Variants in BEST1 observed in about 807,000 individuals in gnomAD.
BEST1 encodes bestrophin 1.
In BEST1, 58 loss-of-function variants were observed where a neutral mutation model predicts 63.3. That is an observed-to-expected ratio of 0.92 (90% CI 0.74 to 1.14). BEST1 has a LOEUF of 1.14. BEST1 is among the 50% of genes most tolerant of loss of function. BEST1 has a pLI of 0.00. For missense variants in BEST1, 671 were observed against 740.1 expected, an observed-to-expected ratio of 0.91 and a Z score of 1.08; for synonymous variants, 283 against 291.6, an observed-to-expected ratio of 0.97 and a Z score of 0.30.
Position 61,962,828 on chromosome 11 carries a change from A to G in BEST1, c.1674A>G (p.Gln558=). The part of the protein sequence containing the change: ...PENHLKEPLE[Q]SPTNIHTTLK... The stretch of plus-strand genomic sequence containing the variant: ...ATCACCTCAAAGAACCTTTGGAACA[A>G]TCACCAACCAACATACACACTACAC... Residue 558 remains glutamine, a synonymous_variant, in exon 10 of 11, where the codon CAA becomes CAG. Coordinates refer to ENST00000378043, the MANE Select transcript of BEST1 (RefSeq NM_004183.4). 6.2e-7 allele frequency: 1 copy of G among 1,614,150 alleles called. No homozygotes were observed. The highest frequency in any genetic ancestry group is 8.5e-7 in the Non-Finnish European group (1 of 1,180,010).
At position 61,962,889 on chromosome 11, in the gene BEST1, A is replaced by G. The variant is rs1207565192; in HGVS notation, c.1735A>G (p.Asn579Asp). The G allele has an allele frequency of 1.9e-6, 3 of 1,614,114 alleles. No individual in the cohort carries two copies. The South Asian group carries it at 3.3e-5, about 18-fold the overall frequency. Reference protein sequence around the residue: ...DHMDPYWALENRDEAHS With the variant: ...DHMDPYWALEDRDEAHS ...CATGGATCCTTATTGGGCCTTGGAA[A>G]ACAGGTCTGTCCTCCACCTGAACCA... is the stretch of plus-strand genomic sequence containing the variant. The change falls in exon 10 of 11, where the codon AAC (asparagine) becomes GAC (aspartate). Residue 579 changes from asparagine (N) to aspartate (D), a missense_variant. By Grantham distance (23) the Asn-to-Asp change is conservative. Transcript: ENST00000378043.
rs1262929406 is a variant in BEST1, at chr11:61,953,421, T to A, written c.152+1463T>A. On this transcript the variant is annotated intron_variant, in intron 2 of 10. Transcript: ENST00000378043. ...ATCCTGATCCTGTCTCTATAAAAAA[T>A]TAAAAAATTGGCTAGGCCCTTTGGC... is the stretch of plus-strand genomic sequence containing the variant. Among the ~76,000 whole-genome samples, 4 of 151,558 alleles carry A rather than the reference T, an allele frequency of 2.6e-5. No individual in the cohort carries two copies. The South Asian group carries it at 8.3e-4, about 32-fold the overall frequency.
chr11:61,962,988 G>C, intron 10 of BEST1, 95 bp downstream of exon 10: 1 of 1,607,230 alleles, frequency 6.2e-7, no homozygotes, highest in Non-Finnish European at 8.5e-7. Flanking sequence ...CAATTTCCTA[G>C]GGTTCCATCA....
In BEST1 at chr11:61,962,549, C is replaced by G; in HGVS notation, c.1395C>G (p.Tyr465Ter). ...SAPLYQRPGY[Y>*]SAPQTPLSPT... ...CACTGTATCAGAGGCCAGGCTACTACAGTGCCCCACAGACGCCCCTCAGCC... is the reference window on the plus strand; with the variant it reads ...CACTGTATCAGAGGCCAGGCTACTAGAGTGCCCCACAGACGCCCCTCAGCC... The change falls in exon 10 of 11, where the codon TAC becomes TAG. Residue 465 changes from tyrosine to a stop codon, truncating the protein, a stop_gained. Coordinates refer to ENST00000378043, the MANE Select transcript of BEST1 (RefSeq NM_004183.4). LOFTEE classifies it high-confidence loss of function. The G allele has an allele frequency of 1.2e-6, 2 of 1,614,190 alleles. No individual in the cohort carries two copies. The highest frequency in any genetic ancestry group is 8.5e-7 in the Non-Finnish European group (1 of 1,180,028).
intron 1 of BEST1, among the ~76,000 whole-genome samples, chr11:61,950,711 G>A (rs750667164): frequency 6.6e-6 from 1 of 152,210 alleles, no homozygotes; most frequent in Admixed American, 6.5e-5. Flanking sequence ...GAGAACACAA[G>A]AGGAGCTTCC....
intron 10 of BEST1, 173 bp from the exon 11 acceptor site, chr11:61,963,931 G>A (rs1942337788): frequency 7.0e-7 from 1 of 1,432,656 alleles, no homozygotes; most frequent in Non-Finnish European, 9.2e-7. Flanking sequence ...CCAGGAGGTG[G>A]TGGTTGCAGT....
At position 61,962,313 on chromosome 11, in the gene BEST1, G is replaced by A. The variant is rs374772670; in HGVS notation, c.1159G>A (p.Ala387Thr). 1.4e-5 allele frequency: 22 copies of A among 1,614,048 alleles called. No homozygotes were observed. Among genetic ancestry groups the A allele is most frequent in the Middle Eastern group, 1.6e-4 (1 of 6,084 alleles). ...TCAGGAGGACGAGGAGGATGCTCAC[G>A]CTGGCATCATTGGCCGCTTCCTAGG... is the stretch of plus-strand genomic sequence containing the variant. The part of the protein sequence containing the change: ...PNQEDEEDAH[A>T]GIIGRFLGLQ... Residue 387 changes from alanine to threonine, a missense_variant, in exon 10 of 11, where the codon GCT becomes ACT. Transcript: ENST00000378043.
rs115379107 is a variant in BEST1, at chr11:61,962,942, C to A, written c.1739+49C>A. The A allele has an allele frequency of 4.4e-3, 7,063 of 1,613,964 alleles. 286 individuals carry two copies. The African/African-American group carries it at 0.084, about 19-fold the overall frequency. ...GGCACTGCATTGCCCTGTGCCCCACCCCAGCTTCCCTTGCTCTGAGCCTAC... is the reference window on the plus strand; with the variant it reads ...GGCACTGCATTGCCCTGTGCCCCACACCAGCTTCCCTTGCTCTGAGCCTAC... On this transcript the variant is annotated intron_variant, in intron 10 of 10. Coordinates refer to ENST00000378043, the MANE Select transcript of BEST1 (RefSeq NM_004183.4).
intron 2 of BEST1, 21 bp downstream of exon 2, chr11:61,951,979 C>T (rs1265184871): frequency 6.2e-7 from 1 of 1,612,412 alleles, no homozygotes; most frequent in South Asian, 1.1e-5. Flanking sequence ...CAGGGCTGGG[C>T]CGGGGGGCCT....
rs375071630 is a variant in BEST1 at position 61,962,625 on chromosome 11, A to G, written c.1471A>G (p.Ser491Gly). 3 of 1,614,078 alleles carry G rather than the reference A, an allele frequency of 1.9e-6. No homozygotes were observed. In the African/African-American group the frequency reaches 4.0e-5, roughly 22 times the overall value. ...ACCATCAGCGCCGTCAAAGCTTCAC[A>G]GTGTCACAGGCATAGACACCAAAGA... is the stretch of plus-strand genomic sequence containing the variant. Reference protein sequence around the residue: ...LEPSAPSKLHSVTGIDTKDKS... With the variant: ...LEPSAPSKLHGVTGIDTKDKS... Residue 491 changes from serine (S) to glycine (G), a missense_variant, in exon 10 of 11, where the codon AGT becomes GGT. Transcript: ENST00000378043.
chr11:61,957,591 G>C (rs1475282801), intron 6 of BEST1, 127 bp downstream of exon 6: 1 of 887,716 alleles, frequency 1.1e-6, no homozygotes, highest in Non-Finnish European at 1.9e-6. Flanking sequence ...TCCACACTTT[G>C]AAGTTGGGTC....
At chr11:61,965,058 G>A, downstream of BEST1, 1 of 1,611,558 alleles carries the variant, frequency 6.2e-7, no homozygotes, top group Non-Finnish European at 8.5e-7. Context: ...TTTTCCAAAT[G>A]TAATGCACAC....
chr11:61,957,055 G>A (rs2134438344), intron 5 of BEST1, 57 bp downstream of exon 5: 3 of 1,611,568 alleles, frequency 1.9e-6, no homozygotes, highest in East Asian at 2.2e-5. Flanking sequence ...TGGTCCACAG[G>A]AAACAAGGTT....
intron 6 of BEST1, 69 bp from the exon 7 acceptor site, chr11:61,958,076 GC>G: frequency 2.5e-6 from 4 of 1,609,702 alleles, no homozygotes; most frequent in Non-Finnish European, 3.4e-6. Flanking sequence ...CAGACTCCCA[GC>G]CCCTGGAGCA....
chr11:61,962,494 T>C lies in BEST1; in HGVS notation c.1340T>C (p.Leu447Pro), dbSNP rs1190605454. The C allele has an allele frequency of 1.2e-6, 2 of 1,614,160 alleles. No individual in the cohort carries two copies. The highest frequency in any genetic ancestry group is 1.7e-6 in the Non-Finnish European group (2 of 1,180,016). Residue 447 changes from leucine to proline, a missense_variant, in exon 10 of 11, where the codon CTT (leucine) becomes CCT (proline). Leu to Pro is a moderately conservative substitution (Grantham distance 98). Transcript: ENST00000378043. ...CAGGAAGACAACAAGGCCTGGAAGC[T>C]TAAGGCTGTGGACGCCTTCAAGTCT... Reference protein sequence around the residue: ...RGQEDNKAWKLKAVDAFKSAP... With the variant: ...RGQEDNKAWKPKAVDAFKSAP...
At chr11:61,954,738 C>T (rs983603347) in intron 2 of BEST1, 1 of 944,992 alleles carries the variant, frequency 1.1e-6, no homozygotes, top group Non-Finnish European at 1.3e-6. Context: ...GCGTGAACCA[C>T]CGTGCCCGTC....
chr11:61,953,906 CA>C (rs1272852287), intron 2 of BEST1, among the ~76,000 whole-genome samples: 2 of 151,766 alleles, frequency 1.3e-5, no homozygotes, highest in African/African-American at 4.8e-5. Flanking sequence ...AACAAACAAA[CA>C]AACAAACAAA....
chr11:61,964,870 G>A (rs750011059), downstream of BEST1: 5 of 1,605,574 alleles, frequency 3.1e-6, no homozygotes, highest in Non-Finnish European at 3.4e-6. Flanking sequence ...TTCAGGTAAT[G>A]TGTCTCAATG....
At chr11:61,965,056 A>C (rs1217855947), downstream of BEST1, 1 of 1,611,812 alleles carries the variant, frequency 6.2e-7, no homozygotes, top group South Asian at 1.1e-5. Flanking sequence ...TTTTTTCCAA[A>C]TGTAATGCAC....
Sources: gnomAD v4.1 joint callset for allele counts (sites outside exome capture counted in the v4.1 genomes callset) on GRCh38, gnomAD v4.1.1 for gene constraint, MANE v1.5 for transcripts, NCBI Gene and HGNC (gene_info 2026-07-23, HGNC 2026-07-21) for gene names.